Variants in SLC2A9 observed in about 807,000 individuals in gnomAD.
SLC2A9 encodes solute carrier family 2, facilitated glucose transporter member 9.
Under a neutral mutation model 50.6 loss-of-function variants are expected in SLC2A9, and 39 were observed. The observed-to-expected ratio is 0.77, with a 90% CI of 0.60 to 1.01. SLC2A9 has a LOEUF of 1.01. Among genes scored for constraint, SLC2A9 ranks in the 50% least tolerant of loss-of-function variants. The pLI, the probability that SLC2A9 is intolerant of heterozygous loss-of-function variation, is 0.00. For missense variants in SLC2A9, 686 were observed against 677.6 expected, an observed-to-expected ratio of 1.01 and a Z score of -0.14; for synonymous variants, 324 against 276.9, an observed-to-expected ratio of 1.17 and a Z score of -1.69.
At chr4:9,992,147 T>C (rs1647158865) in intron 3 of SLC2A9, among the ~76,000 whole-genome samples, 1 of 151,978 alleles carries the variant, frequency 6.6e-6, no homozygotes, top group South Asian at 2.1e-4. Flanking sequence ...CTGGGAGGAG[T>C]TCCTCAAATT....
intron 2 of SLC2A9, among the ~76,000 whole-genome samples, chr4:9,999,738 T>C (rs1759433742): frequency 6.6e-6 from 1 of 152,068 alleles, no homozygotes; most frequent in Non-Finnish European, 1.5e-5. Context: ...GGAGGGTTTT[T>C]GGCAGGGGGA....
In SLC2A9 at chr4:9,844,152, AAAAAAAATAATAAT is replaced by A. The variant is rs1320062663; in HGVS notation, c.1292-9158_1292-9145del. Among the ~76,000 whole-genome samples the A allele has an allele frequency of 6.4e-5, 6 of 93,786 alleles. 2 individuals are homozygous for A. Among genetic ancestry groups the A allele is most frequent in the Non-Finnish European group, 1.0e-4 (5 of 48,726 alleles). The allele number at this position is 93,786 out of a possible 152,430, so 61.5% of individuals were successfully genotyped here. On this transcript the variant is annotated intron_variant, in intron 10 of 11. Coordinates refer to ENST00000264784, the MANE Select transcript of SLC2A9 (RefSeq NM_020041.3). ...TTGGTGGAAGAGCCAGATTTAGTAA[AAAAAAAATAATAAT>A]AAAAAAAAAAAAAAGTCCTTCTGAC...
intron 5 of SLC2A9, among the ~76,000 whole-genome samples, chr4:9,947,069 C>A (rs1347108102): frequency 6.6e-6 from 1 of 152,178 alleles, no homozygotes; most frequent in African/African-American, 2.4e-5. Flanking sequence ...TATTTCTCTC[C>A]TCCTTCCTAC....
At chr4:9,852,363 C>T (rs903723442) in intron 10 of SLC2A9, among the ~76,000 whole-genome samples, 4 of 151,978 alleles carry the variant, frequency 2.6e-5, no homozygotes, top group East Asian at 3.9e-4. Flanking sequence ...CGCCATTCTC[C>T]TGCCTCAGCC....
At chr4:9,782,506 C>T (rs747220811) in intron 3 of SLC2A9, 5 of 1,613,892 alleles carry the variant, frequency 3.1e-6, no homozygotes, top group Non-Finnish European at 4.2e-6. Context: ...TGGCCTTGGT[C>T]ATGGTCGGCC....
At chr4:9,936,312 C>G (rs900635185) in intron 6 of SLC2A9, among the ~76,000 whole-genome samples, 3 of 152,154 alleles carry the variant, frequency 2.0e-5, no homozygotes, top group African/African-American at 7.2e-5. Context: ...GATAAGCATT[C>G]ACAGGCAAGA....
intron 3 of SLC2A9, among the ~76,000 whole-genome samples, chr4:9,801,527 T>C (rs1721404582): frequency 6.6e-6 from 1 of 152,188 alleles, no homozygotes. Flanking sequence ...CTCTGAAGCA[T>C]AAGTGGCTGA....
At chr4:9,912,223 T>G (rs189895944) in intron 7 of SLC2A9, among the ~76,000 whole-genome samples, 310 of 152,072 alleles carry the variant, frequency 2.0e-3, no homozygotes, top group African/African-American at 7.1e-3. Context: ...CACACCAACA[T>G]GGCACATGTA....
chr4:9,938,138 G>A (rs1380989360), intron 6 of SLC2A9, among the ~76,000 whole-genome samples: 2 of 152,256 alleles, frequency 1.3e-5, no homozygotes, highest in East Asian at 1.9e-4. Flanking sequence ...GCAGATACAC[G>A]ATTACTTATC....
intron 9 of SLC2A9, among the ~76,000 whole-genome samples, chr4:9,888,880 G>A (rs949033909): frequency 6.6e-6 from 1 of 152,088 alleles, no homozygotes; most frequent in Non-Finnish European, 1.5e-5. Flanking sequence ...ATGGACTCTT[G>A]TACACTGTAT....
chr4:9,851,341 A>C (rs1729876995), intron 10 of SLC2A9, among the ~76,000 whole-genome samples: 1 of 152,176 alleles, frequency 6.6e-6, no homozygotes, highest in Non-Finnish European at 1.5e-5. Flanking sequence ...ATCTTCCTGA[A>C]ATGAAGACAG....
At chr4:10,005,165 G>A (rs1760555347) in intron 2 of SLC2A9, among the ~76,000 whole-genome samples, 2 of 152,090 alleles carry the variant, frequency 1.3e-5, no homozygotes, top group Non-Finnish European at 2.9e-5. Context: ...ATTATAACAT[G>A]GAATAAAAAT....
intron 1 of SLC2A9, chr4:10,035,878 C>T (rs1764091278): frequency 6.5e-6 from 1 of 153,052 alleles, no homozygotes; most frequent in Non-Finnish European, 1.5e-5. Flanking sequence ...GCTCCCTGAC[C>T]TTTGGACTTT....
chr4:9,886,571 G>A (rs894220012), intron 10 of SLC2A9, among the ~76,000 whole-genome samples: 1 of 151,856 alleles, frequency 6.6e-6, no homozygotes, highest in African/African-American at 2.4e-5. Context: ...TGTCCTGAAT[G>A]GACACTTTCC....
intron 3 of SLC2A9, among the ~76,000 whole-genome samples, chr4:9,803,129 C>G (rs1251641619): frequency 6.6e-6 from 1 of 152,216 alleles, no homozygotes; most frequent in Non-Finnish European, 1.5e-5. Flanking sequence ...CCTTGGCAAA[C>G]CACTTAGCCT....
intron 3 of SLC2A9, among the ~76,000 whole-genome samples, chr4:9,994,755 C>A (rs183228281): frequency 6.6e-6 from 1 of 152,050 alleles, no homozygotes. Flanking sequence ...GTTCCTTTTC[C>A]TATTCCATCT....
intron 6 of SLC2A9, among the ~76,000 whole-genome samples, chr4:9,938,649 C>G (rs1186487291): frequency 2.0e-5 from 3 of 152,164 alleles, no homozygotes; most frequent in African/African-American, 7.2e-5. Flanking sequence ...CAAGGCAGCA[C>G]CCTGCACTTC....
intron 8 of SLC2A9, among the ~76,000 whole-genome samples, chr4:9,892,729 C>T (rs988061544): frequency 1.3e-5 from 2 of 152,184 alleles, no homozygotes; most frequent in African/African-American, 4.8e-5. Flanking sequence ...ATATATTATT[C>T]ATTTTAACTA....
intron 4 of SLC2A9, among the ~76,000 whole-genome samples, chr4:9,985,254 C>A (rs993237491): frequency 6.6e-6 from 1 of 152,124 alleles, no homozygotes; most frequent in Non-Finnish European, 1.5e-5. Flanking sequence ...TGCCAGCCCT[C>A]GCAGGTGCTC....
Sources: gnomAD v4.1 joint callset for allele counts (sites outside exome capture counted in the v4.1 genomes callset) on GRCh38, gnomAD v4.1.1 for gene constraint, MANE v1.5 for transcripts, NCBI Gene and HGNC (gene_info 2026-07-23, HGNC 2026-07-21) for gene names.